The following ANKAR variants were observed in gnomAD, a reference collection of about 807,000 sequenced individuals.
ANKAR encodes ankyrin and armadillo repeat-containing protein.
ANKAR carries 136 observed loss-of-function variants against 146.2 expected under a neutral mutation model. The ratio of observed to expected loss-of-function variants is 0.93; its 90% CI spans 0.81 to 1.07. ANKAR has a LOEUF of 1.07. ANKAR is among the 50% of genes least tolerant of loss of function. The probability of loss-of-function intolerance (pLI) is 0.00; values close to 1 mark genes in which losing one functional copy is unlikely to be tolerated. For missense variants in ANKAR, 1,567 were observed against 1,679.9 expected (o/e 0.93, Z 1.18); for synonymous variants, 500 against 575.8 (o/e 0.87, Z 1.88).
At chr2:189,713,031 AAG>A (rs2039924104) in intron 10 of ANKAR, among the ~76,000 whole-genome samples, 1 of 151,806 alleles carries the variant, frequency 6.6e-6, no homozygotes, top group Non-Finnish European at 1.5e-5. Flanking sequence ...TCAGTGATTG[AAG>A]ATCAAATTAA....
At chr2:189,688,736 T>G (rs189551210) in intron 2 of ANKAR, among the ~76,000 whole-genome samples, 1 of 152,356 alleles carries the variant, frequency 6.6e-6, no homozygotes, top group East Asian at 1.9e-4. Flanking sequence ...ACATGCACGT[T>G]ACATATGATC....
chr2:189,745,643 G>A (rs961521700), intron 22 of ANKAR, among the ~76,000 whole-genome samples: 7 of 152,146 alleles, frequency 4.6e-5, no homozygotes, highest in African/African-American at 1.7e-4. Flanking sequence ...GTGCTTGTTC[G>A]TGTAGGACCA....
At chr2:189,754,302 G>A (rs2045732841) in intron 18 of ANKAR, 4 of 1,613,500 alleles carry the variant, frequency 2.5e-6, no homozygotes, top group African/African-American at 1.3e-5. Flanking sequence ...ACCACTCATG[G>A]TGGAGCACTC....
intron 18 of ANKAR, among the ~76,000 whole-genome samples, chr2:189,752,314 A>G (rs2105980375): frequency 6.6e-6 from 1 of 152,214 alleles, no homozygotes; most frequent in African/African-American, 2.4e-5. Context: ...TTTTCCTTAA[A>G]TTTCCCAGCA....
chr2:189,739,104 G>A (rs2033870), intron 19 of ANKAR, among the ~76,000 whole-genome samples: 88,676 of 152,078 alleles, frequency 0.58, 29,811 homozygotes, highest in South Asian at 0.76. Context: ...TCTTTACATC[G>A]CTGTGCAACA....
In ANKAR at chr2:189,718,150, T is replaced by C. The variant is rs139589297; in HGVS notation, c.2225-1422T>C. ...AGAATAGCACTGTCCAGAATAACTT[T>C]CTGAAATGATGAAAATGTTCAGTTG... On this transcript the variant is annotated intron_variant, in intron 10 of 22. Coordinates refer to ENST00000684021, the MANE Select transcript of ANKAR (RefSeq NM_001378068.1). Among the ~76,000 whole-genome samples, 5 of 152,322 alleles carry C rather than the reference T, an allele frequency of 3.3e-5. No individual in the cohort carries two copies. In the East Asian group the frequency reaches 7.7e-4, roughly 24 times the overall value.
At chr2:189,762,511 G>A (rs752246394), downstream of ANKAR, 15 of 832,574 alleles carry the variant, frequency 1.8e-5, no homozygotes, top group African/African-American at 3.7e-5. Context: ...TCTGGACAAG[G>A]AGGATTGTAC....
chr2:189,739,364 A>G (rs1388057682), intron 19 of ANKAR, among the ~76,000 whole-genome samples: 3 of 152,216 alleles, frequency 2.0e-5, no homozygotes, highest in African/African-American at 7.2e-5. Context: ...ACTTTACTTG[A>G]TGCCATAGAA....
chr2:189,744,212 A>G (rs546422441), intron 21 of ANKAR, among the ~76,000 whole-genome samples: 5 of 152,354 alleles, frequency 3.3e-5, no homozygotes, highest in African/African-American at 1.2e-4. Flanking sequence ...TTTTAAGTAC[A>G]GAGAATGATG....
chr2:189,731,369 CTTTTTTCTTTTT>C lies in ANKAR; in HGVS notation c.3300+775_3300+786del, dbSNP rs922979458. The stretch of plus-strand genomic sequence containing the variant: ...TAAGTAAATAGCATTGTTTCTTTTT[CTTTTTTCTTTTT>C]TTTTTTTTTTGAGACAGAATCTCGC... On this transcript the variant is annotated intron_variant, in intron 16 of 22. Transcript: ENST00000684021. Among the ~76,000 whole-genome samples the C allele has an allele frequency of 1.9e-4, 7 of 37,332 alleles. No homozygotes were observed. The East Asian group carries it at 4.1e-3, about 22-fold the overall frequency. The allele number at this position is 37,332 out of a possible 152,430, so 24.5% of individuals were successfully genotyped here.
intron 21 of ANKAR, among the ~76,000 whole-genome samples, chr2:189,744,225 T>A (rs1178446885): frequency 6.6e-6 from 1 of 152,156 alleles, no homozygotes; most frequent in Non-Finnish European, 1.5e-5. Context: ...GAATGATGAG[T>A]ACATCTTTGG....
chr2:189,753,842 C>T (rs1574868833), intron 18 of ANKAR: 2 of 1,489,394 alleles, frequency 1.3e-6, no homozygotes, highest in African/African-American at 1.4e-5. Context: ...ATCCTAAACA[C>T]AAGGTCAAGG....
chr2:189,736,516 G>T (rs1360197957), intron 17 of ANKAR, among the ~76,000 whole-genome samples: 4,996 of 36,388 alleles, frequency 0.14, 553 homozygotes, highest in South Asian at 0.39. Context: ...GTGTGTGTGT[G>T]TGTGTGTGTG....
intron 7 of ANKAR, among the ~76,000 whole-genome samples, chr2:189,700,051 T>TA (rs397941234): frequency 6.6e-6 from 1 of 152,080 alleles, no homozygotes; most frequent in East Asian, 1.9e-4. Flanking sequence ...TTTTTTTTTT[T>TA]ATTCTCTGAT....
chr2:189,761,968 T>C (rs1223325547), downstream of ANKAR, among the ~76,000 whole-genome samples: 1 of 152,210 alleles, frequency 6.6e-6, no homozygotes, highest in Non-Finnish European at 1.5e-5. Context: ...AAAAGTGCTA[T>C]TTATTTTTTG....
intron 18 of ANKAR, among the ~76,000 whole-genome samples, chr2:189,758,452 T>C (rs2106053324): frequency 6.6e-6 from 1 of 152,172 alleles, no homozygotes; most frequent in African/African-American, 2.4e-5. Flanking sequence ...GTAAGACGCC[T>C]ACTCCCAATT....
chr2:189,757,513 A>G (rs1449295505), intron 18 of ANKAR, among the ~76,000 whole-genome samples: 1 of 152,254 alleles, frequency 6.6e-6, no homozygotes, highest in Non-Finnish European at 1.5e-5. Context: ...TAAAAGCTTT[A>G]AAGGAATTCA....
chr2:189,693,997 C>T (rs976811196), intron 5 of ANKAR, among the ~76,000 whole-genome samples: 2 of 152,280 alleles, frequency 1.3e-5, no homozygotes, highest in South Asian at 4.1e-4. Flanking sequence ...GATCTGCCCA[C>T]GTCAGCCTCC....
At chr2:189,725,321 T>C (rs1005188924) in intron 12 of ANKAR, among the ~76,000 whole-genome samples, 5 of 142,450 alleles carry the variant, frequency 3.5e-5, no homozygotes, top group African/African-American at 1.4e-4. Flanking sequence ...CACACATATA[T>C]ATGATCCAGA....
Sources: gnomAD v4.1 joint callset for allele counts (sites outside exome capture counted in the v4.1 genomes callset) on GRCh38, gnomAD v4.1.1 for gene constraint, MANE v1.5 for transcripts, NCBI Gene and HGNC (gene_info 2026-07-23, HGNC 2026-07-21) for gene names.